The following RIN2 variants were observed in gnomAD, a reference collection of about 807,000 sequenced individuals.
The protein encoded by RIN2 is RAB5 interacting protein 2.
In RIN2, 36 loss-of-function variants were observed where a neutral mutation model predicts 78.0. The observed-to-expected ratio is 0.46, with a 90% CI of 0.35 to 0.61. RIN2 has a LOEUF of 0.61. Ranked by LOEUF, RIN2 falls within the 20% of genes least tolerant of loss-of-function variation. RIN2 has a pLI of 0.00. For synonymous variants in RIN2, 466 were observed against 466.8 expected (o/e 1.00, Z 0.02); for missense variants, 1,087 against 1,159.7 (o/e 0.94, Z 0.91).
At chr20:19,968,090 C>T (rs1315104241) in intron 7 of RIN2, among the ~76,000 whole-genome samples, 2 of 152,178 alleles carry the variant, frequency 1.3e-5, no homozygotes, top group African/African-American at 4.8e-5. Flanking sequence ...TTTTGACCCT[C>T]ACTTCACCTC....
intron 8 of RIN2, 54 bp downstream of exon 8, chr20:19,970,983 G>C (rs2042086599): frequency 7.5e-7 from 1 of 1,340,150 alleles, no homozygotes. Context: ...ATGGAGCAGA[G>C]TCAATGGTGG....
intron 3 of RIN2, among the ~76,000 whole-genome samples, chr20:19,891,465 T>C (rs993536868): frequency 6.6e-6 from 1 of 152,142 alleles, no homozygotes; most frequent in Admixed American, 6.6e-5. Context: ...CTTATGATGG[T>C]CAGGAAGCAC....
intron 2 of RIN2, among the ~76,000 whole-genome samples, chr20:19,849,707 G>T (rs2036900803): frequency 6.6e-6 from 1 of 152,046 alleles, no homozygotes; most frequent in Admixed American, 6.6e-5. Flanking sequence ...GCTTGAACCG[G>T]ACTTTCAGCT....
chr20:19,773,153 C>A (rs1041957065), intron 1 of RIN2, among the ~76,000 whole-genome samples: 1 of 152,206 alleles, frequency 6.6e-6, no homozygotes, highest in African/African-American at 2.4e-5. Context: ...ATGCATCCCT[C>A]CAGTCCTCCA....
At chr20:19,944,199 T>C (rs562727189) in intron 4 of RIN2, among the ~76,000 whole-genome samples, 1 of 152,152 alleles carries the variant, frequency 6.6e-6, no homozygotes, top group Non-Finnish European at 1.5e-5. Context: ...AGATTTTTAG[T>C]TGATAGATAT....
At chr20:19,869,059 G>T (rs1463347101) in intron 2 of RIN2, among the ~76,000 whole-genome samples, 1 of 138,638 alleles carries the variant, frequency 7.2e-6, no homozygotes, top group African/African-American at 2.7e-5. Context: ...TCCAGCCTGG[G>T]TGACAGAGCA....
intron 3 of RIN2, among the ~76,000 whole-genome samples, chr20:19,931,567 G>A (rs1235895211): frequency 6.6e-6 from 1 of 152,204 alleles, no homozygotes; most frequent in African/African-American, 2.4e-5. Context: ...ATTTTGGGGT[G>A]TACAGGTGAT....
At chr20:19,948,499 A>G (rs2041187236) in intron 4 of RIN2, among the ~76,000 whole-genome samples, 1 of 152,266 alleles carries the variant, frequency 6.6e-6, no homozygotes, top group East Asian at 1.9e-4. Flanking sequence ...GGTTCAAGCC[A>G]TTCTCATGCC....
rs1176483959 is a variant in RIN2, at chr20:20,001,899, T to C, written c.*963T>C. ...ACCTATGCTTAAAATACTGTAAATA[T>C]GCAGTGAGGTTTGGCAAAATCTATT... is the stretch of plus-strand genomic sequence containing the variant. On this transcript the variant is annotated 3_prime_UTR_variant, in exon 13 of 13. Coordinates refer to ENST00000255006, the MANE Select transcript of RIN2 (RefSeq NM_018993.4). The C allele has an allele frequency of 6.6e-6, 1 of 152,604 alleles. No homozygotes were observed. Among genetic ancestry groups the C allele is most frequent in the Non-Finnish European group, 1.5e-5 (1 of 68,040 alleles). 9.5% of individuals were successfully genotyped at this position (152,604 alleles called of 1,614,324 possible).
chr20:19,874,718 C>A lies in RIN2; in HGVS notation c.-36-14848C>A, dbSNP rs77624615. On this transcript the variant is annotated intron_variant, in intron 2 of 12. Transcript: ENST00000255006. ...GGAGACTAAGACAGGTTACACTGAG[C>A]AGAGGAGTGTAATGAGAGTTGAGGG... 9.0e-3 allele frequency among the ~76,000 whole-genome samples: 1,377 copies of A among 152,190 alleles called. 18 individuals carry two copies. The highest frequency in any genetic ancestry group is 0.032 in the African/African-American group (1,315 of 41,492).
intron 2 of RIN2, among the ~76,000 whole-genome samples, chr20:19,846,745 C>T (rs892191097): frequency 6.6e-6 from 1 of 152,208 alleles, no homozygotes; most frequent in Admixed American, 6.5e-5. Flanking sequence ...GCCAGAACTT[C>T]CAATACTATG....
Position 19,974,698 on chromosome 20 carries a change from C to T in RIN2, c.673C>T (p.Pro225Ser). The change falls in exon 9 of 13, where the codon CCT (proline) becomes TCT (serine). Residue 225 changes from proline to serine, a missense_variant. Pro to Ser is a moderately conservative substitution (Grantham distance 74). This residue lies in a region of RIN2 where 706 missense variants were observed against 667.5 expected (regional missense o/e 1.06). Transcript: ENST00000255006. The stretch of plus-strand genomic sequence containing the variant: ...TGACAGCAAACCCCCGAACCTTCCA[C>T]CTCCCCATAGGCCTCTTTCCTCCGA... Reference protein sequence around the residue: ...PADSKPPNLPPPHRPLSSDGV... With the variant: ...PADSKPPNLPSPHRPLSSDGV... The T allele has an allele frequency of 6.2e-7, 1 of 1,613,910 alleles. No individual in the cohort carries two copies. Among genetic ancestry groups the T allele is most frequent in the Admixed American group, 1.7e-5 (1 of 60,024 alleles).
At chr20:19,860,545 A>G (rs1014153914) in intron 2 of RIN2, among the ~76,000 whole-genome samples, 1 of 151,330 alleles carries the variant, frequency 6.6e-6, no homozygotes, top group Non-Finnish European at 1.5e-5. Flanking sequence ...CTCGTCTCGA[A>G]CTCCTGACCT....
chr20:19,801,115 A>G (rs1001949560), intron 2 of RIN2, among the ~76,000 whole-genome samples: 3 of 152,104 alleles, frequency 2.0e-5, no homozygotes, highest in Non-Finnish European at 2.9e-5. Context: ...TTGTTGCTCT[A>G]TTTCTTAATT....
Position 19,844,601 on chromosome 20 carries a change from C to CTCTTCT in RIN2, c.-36-44902_-36-44897dup, listed in dbSNP as rs1181481041. The stretch of plus-strand genomic sequence containing the variant: ...CTGCTGCTGCTGCTGCTGCTTCTTC[C>CTCTTCT]TCTTCTTCTTCTTCTTCTTCTTCTT... On this transcript the variant is annotated intron_variant, in intron 2 of 12. Coordinates refer to ENST00000255006, the MANE Select transcript of RIN2 (RefSeq NM_018993.4). Among the ~76,000 whole-genome samples the CTCTTCT allele has an allele frequency of 6.7e-3, 822 of 122,484 alleles. 27 individuals are homozygous for CTCTTCT. Among genetic ancestry groups the CTCTTCT allele is most frequent in the Middle Eastern group, 0.017 (4 of 230 alleles). The allele number at this position is 122,484 out of a possible 152,430, so 80.4% of individuals were successfully genotyped here.
intron 9 of RIN2, among the ~76,000 whole-genome samples, chr20:19,982,424 A>G (rs2042485247): frequency 2.6e-5 from 4 of 152,126 alleles, no homozygotes; most frequent in African/African-American, 9.7e-5. Context: ...AAATGCTGTC[A>G]TGGCGGCCCT....
intron 3 of RIN2, among the ~76,000 whole-genome samples, chr20:19,907,092 G>A (rs2039250593): frequency 6.6e-6 from 1 of 152,146 alleles, no homozygotes; most frequent in African/African-American, 2.4e-5. Flanking sequence ...GCAGCAGAGA[G>A]TACATGTGCA....
rs1020801321 is a variant in RIN2 at position 19,849,077 on chromosome 20, T to G, written c.-36-40489T>G. On this transcript the variant is annotated intron_variant, in intron 2 of 12. Transcript: ENST00000255006. ...GGACAAAATTCAAGCTATTGGCCAT[T>G]TGGGGAGTAGTAAGGGGATAGAATT... Among the ~76,000 whole-genome samples the G allele has an allele frequency of 5.9e-5, 9 of 152,076 alleles. No individual in the cohort carries two copies. The East Asian group carries it at 1.7e-3, about 29-fold the overall frequency.
intron 1 of RIN2, among the ~76,000 whole-genome samples, chr20:19,771,175 T>G (rs919497556): frequency 1.3e-5 from 2 of 152,152 alleles, no homozygotes; most frequent in Admixed American, 6.5e-5. Flanking sequence ...CATTGGCTAT[T>G]GGTGATCAAC....
Sources: gnomAD v4.1 joint callset for allele counts (sites outside exome capture counted in the v4.1 genomes callset) on GRCh38, gnomAD v4.1.1 for gene constraint, gnomAD v4.1.1 regional missense constraint, MANE v1.5 for transcripts, NCBI Gene and HGNC (gene_info 2026-07-23, HGNC 2026-07-21) for gene names.